The following KCTD14 variants were observed in gnomAD, a reference collection of about 807,000 sequenced individuals.
The protein encoded by KCTD14 is potassium channel tetramerization domain containing 14, also known as BTB/POZ domain-containing protein KCTD14.
Under a neutral mutation model 5.9 loss-of-function variants are expected in KCTD14, and 7 were observed. That is an observed-to-expected ratio of 1.19 (90% CI 0.68 to 2.23). The LOEUF is 2.23. Among genes scored for constraint, KCTD14 ranks in the 30% most tolerant of loss-of-function variants. The pLI, the probability that KCTD14 is intolerant of heterozygous loss-of-function variation, is 0.00. For synonymous variants in KCTD14, 140 were observed against 133.1 expected (o/e 1.05, Z -0.36); for missense variants, 342 against 332.2 (o/e 1.03, Z -0.23).
exon 2 of KCTD14, chr11:78,038,740 C>T (rs1857896116): frequency 6.5e-7 from 1 of 1,535,600 alleles, no homozygotes; most frequent in African/African-American, 1.4e-5. Flanking sequence ...GGACAAGCAA[C>T]AGAGGCCAAT....
At chr11:78,023,105 C>A (rs1443539410) in intron 1 of KCTD14, 55 bp downstream of exon 1, 19 of 1,191,116 alleles carry the variant, frequency 1.6e-5, no homozygotes, top group Non-Finnish European at 2.1e-5. Context: ...AGGGAAGAGG[C>A]GGAGGGAAGA....
chr11:78,034,099 T>G (rs1237836888), intron 2 of KCTD14, among the ~76,000 whole-genome samples: 1 of 151,352 alleles, frequency 6.6e-6, no homozygotes, highest in Non-Finnish European at 1.5e-5. Flanking sequence ...TGGAGTGCAG[T>G]GGATGCCACA....
At chr11:78,019,384 T>C (rs1565309306) in intron 1 of KCTD14, among the ~76,000 whole-genome samples, 1 of 152,086 alleles carries the variant, frequency 6.6e-6, no homozygotes, top group Non-Finnish European at 1.5e-5. Flanking sequence ...AGTGGCATGA[T>C]CATAACTCAC....
At chr11:78,034,721 T>A (rs563606478) in intron 2 of KCTD14, among the ~76,000 whole-genome samples, 1 of 152,120 alleles carries the variant, frequency 6.6e-6, no homozygotes, top group African/African-American at 2.4e-5. Flanking sequence ...GTCTGAGTCA[T>A]CCCCAAACAG....
intron 1 of KCTD14, among the ~76,000 whole-genome samples, chr11:78,020,571 A>G (rs972777745): frequency 1.3e-5 from 2 of 152,238 alleles, no homozygotes; most frequent in African/African-American, 4.8e-5. Context: ...TTAACCCTGA[A>G]GTCACCTCTG....
chr11:78,027,164 G>A (rs73507587), upstream of KCTD14, among the ~76,000 whole-genome samples: 10,821 of 152,064 alleles, frequency 0.071, 1,233 homozygotes, highest in African/African-American at 0.25. Context: ...CATGTATGAC[G>A]TACACTGGTT....
intron 2 of KCTD14, among the ~76,000 whole-genome samples, chr11:78,034,524 GTTTCTTTC>G (rs150897863): frequency 8.6e-5 from 13 of 151,902 alleles, no homozygotes; most frequent in African/African-American, 2.4e-4. Flanking sequence ...CTGTATGGGT[GTTTCTTTC>G]TTTCTTTCTT....
At chr11:78,045,530 T>G (rs905955442) in intron 1 of KCTD14, among the ~76,000 whole-genome samples, 6 of 152,174 alleles carry the variant, frequency 3.9e-5, no homozygotes, top group African/African-American at 1.4e-4. Context: ...TTTCATTAGC[T>G]TTACAAAGGC....
At chr11:78,025,110 G>T (rs1331233278), upstream of KCTD14, among the ~76,000 whole-genome samples, 2 of 70,078 alleles carry the variant, frequency 2.9e-5, no homozygotes, top group African/African-American at 1.4e-4. Context: ...GTGTGTGTGT[G>T]TGTGTGTGTA....
intron 1 of KCTD14, 110 bp from the exon 2 acceptor site, chr11:78,017,380 G>A: frequency 7.3e-7 from 1 of 1,362,882 alleles, no homozygotes; most frequent in Non-Finnish European, 9.7e-7. Flanking sequence ...CATAATGATT[G>A]GCTTCAGCTA....
At chr11:78,042,997 G>A (rs1262752005) in intron 1 of KCTD14, among the ~76,000 whole-genome samples, 1 of 152,240 alleles carries the variant, frequency 6.6e-6, no homozygotes, top group Non-Finnish European at 1.5e-5. Flanking sequence ...CTGCACACAT[G>A]GTTGACAAAG....
At chr11:78,031,344 G>A (rs554612616) in intron 2 of KCTD14, among the ~76,000 whole-genome samples, 2 of 151,862 alleles carry the variant, frequency 1.3e-5, no homozygotes, top group East Asian at 1.9e-4. Flanking sequence ...CACCATACCT[G>A]CAATCTCTTT....
chr11:78,029,226 A>AGG (rs1400539602), intron 2 of KCTD14, among the ~76,000 whole-genome samples: 6 of 151,402 alleles, frequency 4.0e-5, no homozygotes. Flanking sequence ...AAACAAAACA[A>AGG]GGGGGTAAGG....
chr11:78,035,057 A>G (rs543406746), intron 2 of KCTD14, among the ~76,000 whole-genome samples: 1 of 152,162 alleles, frequency 6.6e-6, no homozygotes, highest in East Asian at 1.9e-4. Flanking sequence ...CTAAGGCCCT[A>G]CCCCTGGAGT....
Position 78,017,144 on chromosome 11 carries a change from C to T in KCTD14, c.217G>A (p.Ala73Thr), listed in dbSNP as rs141824379. The T allele has an allele frequency of 2.8e-5, 46 of 1,614,170 alleles. No individual in the cohort carries two copies. The highest frequency in any genetic ancestry group is 8.9e-5 in the East Asian group (4 of 44,874). ...CGGTCGATGAAGAAGCGGCCCTCCG[C>T]GTCCGTGGAGGCCTTGGCTAAGCTA... The part of the protein sequence containing the change: ...FSSLAKASTD[A>T]EGRFFIDRPS... The change falls in exon 2 of 2, where the codon GCG becomes ACG. Residue 73 changes from alanine (A) to threonine (T), a missense_variant. Ala to Thr is a moderately conservative substitution (Grantham distance 58). Coordinates refer to ENST00000353172, the MANE Select transcript of KCTD14 (RefSeq NM_023930.4).
intron 1 of KCTD14, among the ~76,000 whole-genome samples, chr11:78,041,975 A>T (rs1858006840): frequency 6.6e-6 from 1 of 151,590 alleles, no homozygotes; most frequent in Admixed American, 6.6e-5. Flanking sequence ...CCGTGAGGCC[A>T]AGAAAGGCTT....
chr11:78,041,110 C>G (rs1037691826), intron 1 of KCTD14, among the ~76,000 whole-genome samples: 4 of 152,210 alleles, frequency 2.6e-5, no homozygotes, highest in African/African-American at 9.6e-5. Flanking sequence ...CACAGTCTGT[C>G]AAGCTTCCAT....
At chr11:78,037,596 T>A (rs1301204695) in intron 2 of KCTD14, among the ~76,000 whole-genome samples, 2 of 152,124 alleles carry the variant, frequency 1.3e-5, no homozygotes, top group East Asian at 3.9e-4. Context: ...CTGCCCATGT[T>A]CCACTTTAAA....
At chr11:78,038,241 T>G (rs1315964767) in intron 2 of KCTD14, among the ~76,000 whole-genome samples, 1 of 152,150 alleles carries the variant, frequency 6.6e-6, no homozygotes, top group Non-Finnish European at 1.5e-5. Flanking sequence ...GGTGGACAGC[T>G]CCTCCTGCCT....
Sources: gnomAD v4.1 joint callset for allele counts (sites outside exome capture counted in the v4.1 genomes callset) on GRCh38, gnomAD v4.1.1 for gene constraint, MANE v1.5 for transcripts, NCBI Gene and HGNC (gene_info 2026-07-23, HGNC 2026-07-21) for gene names.